CSMD3: variants seen among roughly 807,000 people sequenced by gnomAD.
CSMD3 encodes CUB and Sushi multiple domains 3.
Under a neutral mutation model 435.2 loss-of-function variants are expected in CSMD3, and 177 were observed. That is an observed-to-expected ratio of 0.41 (90% CI 0.36 to 0.46). The LOEUF (loss-of-function observed/expected upper bound fraction) is 0.46. Among genes scored for constraint, CSMD3 ranks in the 20% least tolerant of loss-of-function variants. The pLI is 0.34. For synonymous variants in CSMD3, 1,656 were observed against 1,520.5 expected (o/e 1.09, Z -2.07); for missense variants, 4,265 against 4,504.6 (o/e 0.95, Z 1.52).
intron 6 of CSMD3, among the ~76,000 whole-genome samples, chr8:113,009,432 A>C (rs931695054): frequency 6.6e-6 from 1 of 151,868 alleles, no homozygotes; most frequent in African/African-American, 2.4e-5. Flanking sequence ...ACTTGTATGA[A>C]GAAAAATTAA....
At position 112,797,071 on chromosome 8, in the gene CSMD3, A is replaced by G. The variant is rs533213678; in HGVS notation, c.1972+3091T>C. ...TTAAAATAGACATTTTCCAAACTCC[A>G]TAGAAAAAAGCATTCATAGTTCCAC... On this transcript the variant is annotated intron_variant, in intron 13 of 70. Coordinates refer to ENST00000297405, the MANE Select transcript of CSMD3 (RefSeq NM_198123.2). Among the ~76,000 whole-genome samples the G allele has an allele frequency of 2.0e-5, 3 of 152,124 alleles. No homozygotes were observed. In the South Asian group the frequency reaches 6.2e-4, roughly 32 times the overall value.
chr8:113,289,909 G>A (rs1407299945), intron 2 of CSMD3, among the ~76,000 whole-genome samples: 1 of 151,388 alleles, frequency 6.6e-6, no homozygotes, highest in African/African-American at 2.4e-5. Flanking sequence ...CTATTTCCCA[G>A]AAAGGTAATA....
intron 1 of CSMD3, among the ~76,000 whole-genome samples, chr8:113,422,677 AAAACAAACAAAG>A (rs1415819996): frequency 6.6e-6 from 1 of 152,154 alleles, no homozygotes; most frequent in Admixed American, 6.6e-5. Flanking sequence ...GAAAACATGC[AAAACAAACAAAG>A]AAACAAACAA....
chr8:112,259,744 G>A (rs1346271687), intron 61 of CSMD3, among the ~76,000 whole-genome samples: 1 of 152,032 alleles, frequency 6.6e-6, no homozygotes, highest in Non-Finnish European at 1.5e-5. Flanking sequence ...AGTCCTTCTG[G>A]CAATGCTGTA....
At chr8:112,657,531 A>G (rs994873833) in intron 17 of CSMD3, among the ~76,000 whole-genome samples, 2 of 152,186 alleles carry the variant, frequency 1.3e-5, no homozygotes, top group African/African-American at 2.4e-5. Context: ...TATAAACGTC[A>G]ATCGACACAG....
Position 113,253,216 on chromosome 8 carries a change from C to T in CSMD3, c.514+25376G>A, listed in dbSNP as rs577715781. Among the ~76,000 whole-genome samples the T allele has an allele frequency of 1.3e-4, 19 of 149,178 alleles. 1 individual carries two copies. In the South Asian group the frequency reaches 4.1e-3, roughly 32 times the overall value. Reference sequence around the variant, plus strand: ...GGCTGGGGACATCAGGACAAGTTAGCTGACAAAAAAAAACTGACTTTTTTT... The same window carrying T: ...GGCTGGGGACATCAGGACAAGTTAGTTGACAAAAAAAAACTGACTTTTTTT... On this transcript the variant is annotated intron_variant, in intron 3 of 70. Transcript: ENST00000297405.
chr8:113,395,433 C>A (rs1037574365), intron 1 of CSMD3, among the ~76,000 whole-genome samples: 3 of 151,778 alleles, frequency 2.0e-5, no homozygotes, highest in Non-Finnish European at 4.4e-5. Flanking sequence ...ACAGTGAAAC[C>A]CCGTCTCTAC....
chr8:112,510,475 A>G (rs1822997041), intron 28 of CSMD3, among the ~76,000 whole-genome samples: 1 of 152,158 alleles, frequency 6.6e-6, no homozygotes, highest in South Asian at 2.1e-4. Context: ...TTTCCCTTCT[A>G]CATTTATATA....
chr8:112,258,313 T>C (rs1013742037), intron 61 of CSMD3, among the ~76,000 whole-genome samples: 4 of 152,066 alleles, frequency 2.6e-5, no homozygotes, highest in Non-Finnish European at 4.4e-5. Flanking sequence ...TTCTGCACAG[T>C]AAAATAAACT....
intron 8 of CSMD3, among the ~76,000 whole-genome samples, chr8:112,954,043 T>C (rs1157327848): frequency 1.3e-5 from 2 of 151,474 alleles, no homozygotes; most frequent in African/African-American, 2.4e-5. Flanking sequence ...TGTTTGGTTA[T>C]GGTAATTTAA....
intron 59 of CSMD3, among the ~76,000 whole-genome samples, chr8:112,274,566 C>A (rs1817851487): frequency 1.3e-5 from 2 of 152,104 alleles, no homozygotes; most frequent in Non-Finnish European, 1.5e-5. Context: ...GGAAACTGCC[C>A]ATGGTTTGAG....
chr8:112,948,670 G>T (rs546397260), intron 8 of CSMD3, among the ~76,000 whole-genome samples: 341 of 151,846 alleles, frequency 2.2e-3, no homozygotes, highest in African/African-American at 7.9e-3. Flanking sequence ...TGAACTGGAG[G>T]ATAAATTCTA....
At chr8:113,305,560 T>G (rs1488242098) in intron 2 of CSMD3, among the ~76,000 whole-genome samples, 5 of 152,220 alleles carry the variant, frequency 3.3e-5, no homozygotes, top group African/African-American at 4.8e-5. Flanking sequence ...TTTGATCTTT[T>G]AACCCCAGTT....
chr8:112,358,686 A>G (rs767630768), intron 38 of CSMD3, among the ~76,000 whole-genome samples: 32 of 152,280 alleles, frequency 2.1e-4, no homozygotes, highest in South Asian at 2.1e-3. Flanking sequence ...GCCTTCTGCC[A>G]TGATTGTGAG....
At chr8:113,354,857 T>C (rs1360587305) in intron 1 of CSMD3, among the ~76,000 whole-genome samples, 1 of 152,072 alleles carries the variant, frequency 6.6e-6, no homozygotes, top group Non-Finnish European at 1.5e-5. Context: ...AAAGCTGGTT[T>C]TGAACTCCTG....
chr8:112,401,832 A>T (rs1831368948), intron 35 of CSMD3, among the ~76,000 whole-genome samples: 1 of 152,206 alleles, frequency 6.6e-6, no homozygotes, highest in Non-Finnish European at 1.5e-5. Flanking sequence ...GAATGACAGT[A>T]CTCAATGCTT....
At chr8:112,656,972 C>T (rs2075272025) in intron 17 of CSMD3, among the ~76,000 whole-genome samples, 1 of 151,924 alleles carries the variant, frequency 6.6e-6, no homozygotes, top group Admixed American at 6.6e-5. Context: ...TTTTGTAATC[C>T]TCCCATTAAC....
intron 38 of CSMD3, among the ~76,000 whole-genome samples, chr8:112,370,005 G>GGAAGAGGAA (rs1438308209): frequency 1.3e-4 from 8 of 63,976 alleles, no homozygotes; most frequent in African/African-American, 5.5e-4. Flanking sequence ...AAGAAGAAGA[G>GGAAGAGGAA]GAAGAGGAAG....
chr8:113,084,453 G>A (rs1195117041), intron 5 of CSMD3, among the ~76,000 whole-genome samples: 1 of 151,852 alleles, frequency 6.6e-6, no homozygotes, highest in East Asian at 1.9e-4. Flanking sequence ...AATTGAAGAT[G>A]ACATAAACAA....
Sources: allele counts gnomAD v4.1 joint callset (sites outside exome capture counted in the v4.1 genomes callset), GRCh38; gene constraint gnomAD v4.1.1; transcripts MANE v1.5; gene names NCBI Gene and HGNC (gene_info 2026-07-23, HGNC 2026-07-21).